RPTOR: variants seen among roughly 807,000 people sequenced by gnomAD.
The protein encoded by RPTOR is regulatory-associated protein of mTOR.
A neutral mutation model predicts 169.9 loss-of-function variants in RPTOR; 21 were observed. The ratio of observed to expected loss-of-function variants is 0.12; its 90% CI spans 0.09 to 0.18. The LOEUF (loss-of-function observed/expected upper bound fraction) is 0.18. RPTOR is among the 10% of genes least tolerant of loss of function. The probability of loss-of-function intolerance (pLI) is 1.00; values close to 1 mark genes in which losing one functional copy is unlikely to be tolerated. For missense variants in RPTOR, 1,133 were observed against 1,855.9 expected (o/e 0.61, Z 7.16); for synonymous variants, 732 against 753.2 (o/e 0.97, Z 0.46).
chr17:80,785,375 C>A (rs79730587), intron 6 of RPTOR, among the ~76,000 whole-genome samples: 5 of 152,156 alleles, frequency 3.3e-5, no homozygotes, highest in Non-Finnish European at 7.3e-5. Flanking sequence ...GATTTACAGT[C>A]GAAGGCATAC....
intron 21 of RPTOR, among the ~76,000 whole-genome samples, chr17:80,912,003 G>A (rs993310954): frequency 1.2e-4 from 18 of 152,140 alleles, no homozygotes; most frequent in Non-Finnish European, 2.1e-4. Context: ...GACTGAAACC[G>A]TCACATCTGC....
intron 3 of RPTOR, among the ~76,000 whole-genome samples, chr17:80,652,156 C>T (rs1295342792): frequency 5.4e-5 from 8 of 149,312 alleles, no homozygotes; most frequent in Non-Finnish European, 1.0e-4. Flanking sequence ...GGTGACAGAG[C>T]GAGACTCCAT....
chr17:80,949,382 C>A, intron 27 of RPTOR, 61 bp from the exon 28 acceptor site: 1 of 1,403,314 alleles, frequency 7.1e-7, no homozygotes, highest in Non-Finnish European at 1.0e-6. Flanking sequence ...CCACCACGCA[C>A]AGAGCACAGG....
chr17:80,925,378 C>T lies in RPTOR; in HGVS notation c.2817C>T (p.Asp939=), dbSNP rs148489107. The T allele has an allele frequency of 9.1e-4, 1,463 of 1,613,528 alleles. 5 individuals carry two copies. Among genetic ancestry groups the T allele is most frequent in the Middle Eastern group, 5.0e-3 (30 of 6,060 alleles). Residue 939 remains aspartate (D), a synonymous_variant, in exon 24 of 34, where the codon GAC becomes GAT. Coordinates refer to ENST00000306801, the MANE Select transcript of RPTOR (RefSeq NM_020761.3). The part of the protein sequence containing the change: ...MFDKGPEQTA[D]DADDAAGHKS... Reference sequence around the variant, plus strand: ...CTGCTTAAACCCTGAAGACTGCGGACGACGCGGACGATGCTGCTGGACACA... The same window carrying T: ...CTGCTTAAACCCTGAAGACTGCGGATGACGCGGACGATGCTGCTGGACACA...
At chr17:80,753,837 G>T (rs1409649013) in intron 5 of RPTOR, among the ~76,000 whole-genome samples, 173 bp from the exon 6 acceptor site, 2 of 152,098 alleles carry the variant, frequency 1.3e-5, no homozygotes, top group Admixed American at 1.3e-4. Flanking sequence ...CAGGCTTACA[G>T]TCTGTCTCTG....
At chr17:80,585,642 C>T (rs529598488) in intron 1 of RPTOR, among the ~76,000 whole-genome samples, 13 of 152,348 alleles carry the variant, frequency 8.5e-5, no homozygotes, top group African/African-American at 3.1e-4. Context: ...GCTGCTACGT[C>T]GCTCAGGCTT....
intron 24 of RPTOR, among the ~76,000 whole-genome samples, chr17:80,939,333 C>A (rs1285603862): frequency 6.6e-6 from 1 of 152,224 alleles, no homozygotes; most frequent in Non-Finnish European, 1.5e-5. Flanking sequence ...ACACCCCAAC[C>A]CACATGTGCG....
chr17:80,856,006 A>G (rs1255783108), intron 12 of RPTOR, among the ~76,000 whole-genome samples: 1 of 152,158 alleles, frequency 6.6e-6, no homozygotes, highest in Non-Finnish European at 1.5e-5. Context: ...ATTCTATAGC[A>G]GAGTAGTAAT....
intron 20 of RPTOR, among the ~76,000 whole-genome samples, chr17:80,907,683 C>T (rs1027913107): frequency 2.0e-5 from 3 of 152,252 alleles, no homozygotes; most frequent in African/African-American, 7.2e-5. Flanking sequence ...ACCCCACAAT[C>T]TCTGATTGGC....
At chr17:80,753,938 G>C in intron 5 of RPTOR, 72 bp from the exon 6 acceptor site, 3 of 1,343,094 alleles carry the variant, frequency 2.2e-6, no homozygotes, top group Non-Finnish European at 3.2e-6. Flanking sequence ...CTGTGTTACA[G>C]CTGCAGCTTA....
intron 13 of RPTOR, among the ~76,000 whole-genome samples, chr17:80,865,575 G>A (rs769598998): frequency 3.9e-5 from 6 of 152,092 alleles, no homozygotes; most frequent in East Asian, 3.9e-4. Context: ...ATAATGCTAC[G>A]GAAGTCCATT....
intron 13 of RPTOR, among the ~76,000 whole-genome samples, chr17:80,866,601 G>A (rs1347444274): frequency 6.6e-6 from 1 of 152,204 alleles, no homozygotes; most frequent in Non-Finnish European, 1.5e-5. Context: ...AATGATAGAG[G>A]TGACATCATG....
chr17:80,798,525 G>A (rs529451588), intron 7 of RPTOR, among the ~76,000 whole-genome samples: 16 of 152,060 alleles, frequency 1.1e-4, no homozygotes, highest in South Asian at 2.1e-4. Flanking sequence ...CCCAGACTCC[G>A]GGGCTGACAT....
In RPTOR at chr17:80,962,325, A is replaced by T. The variant is rs967624992; in HGVS notation, c.3693-136A>T. On this transcript the variant is annotated intron_variant, in intron 31 of 33. Coordinates refer to ENST00000306801, the MANE Select transcript of RPTOR (RefSeq NM_020761.3). ...GCAGCCCTCACTGGGGACGCTGAGCATCCAGGCAGCTTTTTCCTTGAGCAG... is the reference window on the plus strand; with the variant it reads ...GCAGCCCTCACTGGGGACGCTGAGCTTCCAGGCAGCTTTTTCCTTGAGCAG... 8.4e-6 allele frequency: 6 copies of T among 712,868 alleles called. No homozygotes were observed. In the African/African-American group the frequency reaches 1.1e-4, roughly 13 times the overall value. The allele number at this position is 712,868 out of a possible 1,614,324, so 44.2% of individuals were successfully genotyped here. A position where few individuals can be genotyped will look rare whatever the true frequency, so the allele number is the denominator to read the frequency against.
chr17:80,713,222 C>T (rs924478597), intron 4 of RPTOR, among the ~76,000 whole-genome samples: 4 of 152,174 alleles, frequency 2.6e-5, no homozygotes, highest in African/African-American at 9.7e-5. Flanking sequence ...GCACCCGCCT[C>T]CACGCCCGGC....
intron 25 of RPTOR, among the ~76,000 whole-genome samples, chr17:80,941,591 T>C (rs1177390433): frequency 2.0e-5 from 3 of 152,226 alleles, no homozygotes; most frequent in Admixed American, 2.0e-4. Context: ...GACCTCAAGC[T>C]GCCCCCAACC....
At chr17:80,740,814 T>C (rs1432355507) in intron 5 of RPTOR, among the ~76,000 whole-genome samples, 1 of 152,206 alleles carries the variant, frequency 6.6e-6, no homozygotes, top group Non-Finnish European at 1.5e-5. Context: ...GTCCTTTTAC[T>C]TACTGGTAAA....
intron 2 of RPTOR, among the ~76,000 whole-genome samples, chr17:80,643,243 A>G (rs987194565): frequency 1.3e-5 from 2 of 150,536 alleles, no homozygotes; most frequent in East Asian, 3.8e-4. Context: ...ATGAATGTAC[A>G]TTTGTGAAAC....
intron 17 of RPTOR, among the ~76,000 whole-genome samples, chr17:80,885,928 T>C (rs974517010): frequency 6.6e-6 from 1 of 152,202 alleles, no homozygotes; most frequent in Non-Finnish European, 1.5e-5. Flanking sequence ...CACCCTCAGA[T>C]TCCCCACCCA....
Sources: allele counts gnomAD v4.1 joint callset (sites outside exome capture counted in the v4.1 genomes callset), GRCh38; gene constraint gnomAD v4.1.1; transcripts MANE v1.5; gene names NCBI Gene and HGNC (gene_info 2026-07-23, HGNC 2026-07-21).